The following SLC8A1 variants were observed in gnomAD, a reference collection of about 807,000 sequenced individuals.
SLC8A1 encodes sodium/calcium exchanger 1.
Under a neutral mutation model 68.3 loss-of-function variants are expected in SLC8A1, and 18 were observed. That is an observed-to-expected ratio of 0.26 (90% CI 0.18 to 0.39). SLC8A1 has a LOEUF of 0.39. SLC8A1 is among the 10% of genes least tolerant of loss of function. The probability of loss-of-function intolerance (pLI) is 1.00; values close to 1 mark genes in which losing one functional copy is unlikely to be tolerated. For synonymous variants in SLC8A1, 475 were observed against 415.5 expected (o/e 1.14, Z -1.74); for missense variants, 985 against 1,156.7 (o/e 0.85, Z 2.15).
intron 1 of SLC8A1, among the ~76,000 whole-genome samples, chr2:40,470,277 C>A (rs1458153064): frequency 6.6e-6 from 1 of 151,994 alleles, no homozygotes; most frequent in Non-Finnish European, 1.5e-5. Context: ...TTCTGTAGGG[C>A]AATCTAGCAA....
At chr2:40,213,108 G>C (rs867032778) in intron 2 of SLC8A1, 3 of 152,082 alleles carry the variant, frequency 2.0e-5, no homozygotes, top group Middle Eastern at 3.2e-3. Context: ...CTTCTCTGTA[G>C]GTCTCTACTT....
chr2:40,477,751 G>C (rs1030502888), intron 1 of SLC8A1, among the ~76,000 whole-genome samples: 2 of 152,310 alleles, frequency 1.3e-5, no homozygotes, highest in East Asian at 3.9e-4. Flanking sequence ...TAGTGTGTAT[G>C]TGTGTGTGCA....
intron 2 of SLC8A1, among the ~76,000 whole-genome samples, chr2:40,319,360 C>G (rs1273983729): frequency 6.6e-6 from 1 of 152,096 alleles, no homozygotes; most frequent in African/African-American, 2.4e-5. Flanking sequence ...AAGGAACCCA[C>G]TATGCCTCAC....
intron 6 of SLC8A1, among the ~76,000 whole-genome samples, chr2:40,149,453 C>T (rs1558529780): frequency 1.3e-5 from 2 of 152,176 alleles, no homozygotes; most frequent in Non-Finnish European, 2.9e-5. Context: ...CGAGAAACCC[C>T]TCTGAGCAGT....
At chr2:40,175,906 A>C in intron 3 of SLC8A1, 1 of 390,384 alleles carries the variant, frequency 2.6e-6, no homozygotes, top group South Asian at 1.8e-5. Flanking sequence ...AAAATCCTTA[A>C]AGCTTAATAG....
intron 1 of SLC8A1, among the ~76,000 whole-genome samples, chr2:40,497,771 G>T (rs1705805166): frequency 6.6e-6 from 1 of 151,994 alleles, no homozygotes; most frequent in South Asian, 2.1e-4. Context: ...AATTTCAAGG[G>T]TCTTTGGTAT....
At chr2:40,420,450 C>CA (rs1476767300) in intron 2 of SLC8A1, among the ~76,000 whole-genome samples, 1 of 151,296 alleles carries the variant, frequency 6.6e-6, no homozygotes, top group Admixed American at 6.6e-5. Flanking sequence ...TTAAATGCTA[C>CA]AGCGCCAAAG....
chr2:40,156,188 G>A (rs1319098185), intron 6 of SLC8A1, among the ~76,000 whole-genome samples: 2 of 152,180 alleles, frequency 1.3e-5, no homozygotes, highest in Non-Finnish European at 2.9e-5. Context: ...CAGGGCTACT[G>A]TAGGACTATA....
At chr2:40,404,412 A>G (rs1689693392) in intron 2 of SLC8A1, among the ~76,000 whole-genome samples, 1 of 152,238 alleles carries the variant, frequency 6.6e-6, no homozygotes, top group Non-Finnish European at 1.5e-5. Flanking sequence ...TTCAGTAATT[A>G]TGACAATACA....
chr2:40,446,185 C>T (rs1701413551), intron 1 of SLC8A1, among the ~76,000 whole-genome samples: 1 of 152,184 alleles, frequency 6.6e-6, no homozygotes, highest in Admixed American at 6.5e-5. Context: ...AATAAAGGAA[C>T]AAGTTAGCAA....
At chr2:40,243,619 G>A (rs996493378) in intron 2 of SLC8A1, among the ~76,000 whole-genome samples, 1 of 152,174 alleles carries the variant, frequency 6.6e-6, no homozygotes, top group Non-Finnish European at 1.5e-5. Context: ...GGAGCCTATG[G>A]CCCTGTAACC....
At chr2:40,399,434 C>T (rs923674576) in intron 2 of SLC8A1, among the ~76,000 whole-genome samples, 6 of 152,114 alleles carry the variant, frequency 3.9e-5, no homozygotes, top group Non-Finnish European at 5.9e-5. Context: ...CTTGCTGCAG[C>T]TTAGGCTAGG....
At chr2:40,243,445 T>C (rs958037548) in intron 2 of SLC8A1, among the ~76,000 whole-genome samples, 1 of 152,152 alleles carries the variant, frequency 6.6e-6, no homozygotes, top group East Asian at 1.9e-4. Context: ...ATCACCCCAC[T>C]GTACTCCAAC....
At chr2:40,400,964 C>T (rs1380540116) in intron 2 of SLC8A1, among the ~76,000 whole-genome samples, 1 of 152,110 alleles carries the variant, frequency 6.6e-6, no homozygotes, top group African/African-American at 2.4e-5. Flanking sequence ...AAAAAGGAAG[C>T]CACACAGAAT....
intron 2 of SLC8A1, among the ~76,000 whole-genome samples, chr2:40,299,450 C>G (rs1272608976): frequency 6.6e-6 from 1 of 152,148 alleles, no homozygotes; most frequent in East Asian, 1.9e-4. Context: ...AACTCATCTC[C>G]TACTTGGATT....
At chr2:40,249,535 G>T (rs1001784506) in intron 2 of SLC8A1, among the ~76,000 whole-genome samples, 4 of 152,238 alleles carry the variant, frequency 2.6e-5, no homozygotes, top group South Asian at 4.1e-4. Context: ...AGGTGTCAAG[G>T]GAGAGGAGGT....
At chr2:40,281,593 G>C (rs948959731) in intron 2 of SLC8A1, among the ~76,000 whole-genome samples, 1 of 152,140 alleles carries the variant, frequency 6.6e-6, no homozygotes, top group Non-Finnish European at 1.5e-5. Context: ...GCACTGCCTG[G>C]GGCCTTGGCA....
chr2:40,298,198 C>A (rs1244851986), intron 2 of SLC8A1, among the ~76,000 whole-genome samples: 1 of 152,128 alleles, frequency 6.6e-6, no homozygotes, highest in Non-Finnish European at 1.5e-5. Flanking sequence ...TCCTAAAAAA[C>A]CCCAGTGTTC....
At chr2:40,196,047 T>A (rs1301500168) in intron 2 of SLC8A1, 1 of 151,222 alleles carries the variant, frequency 6.6e-6, no homozygotes, top group Non-Finnish European at 1.5e-5. Flanking sequence ...GTCTTTCAAC[T>A]TGAAGGAGGA....
Sources: allele counts gnomAD v4.1 joint callset (sites outside exome capture counted in the v4.1 genomes callset), GRCh38; gene constraint gnomAD v4.1.1; transcripts MANE v1.5; gene names NCBI Gene and HGNC (gene_info 2026-07-23, HGNC 2026-07-21).